The following CDH18 variants were observed in gnomAD, a reference collection of about 807,000 sequenced individuals.
CDH18 encodes the protein cadherin 18.
A neutral mutation model predicts 67.9 loss-of-function variants in CDH18; 31 were observed. The ratio of observed to expected loss-of-function variants is 0.46; its 90% CI spans 0.34 to 0.62. The LOEUF (loss-of-function observed/expected upper bound fraction) is 0.62. Among genes scored for constraint, CDH18 ranks in the 20% least tolerant of loss-of-function variants. The probability of loss-of-function intolerance (pLI) is 0.01; values close to 1 mark genes in which losing one functional copy is unlikely to be tolerated. For synonymous variants in CDH18, 362 were observed against 347.2 expected, an observed-to-expected ratio of 1.04 and a Z score of -0.48; for missense variants, 890 against 975.5, an observed-to-expected ratio of 0.91 and a Z score of 1.17.
chr5:19,770,768 T>C (rs80166713), intron 3 of CDH18, among the ~76,000 whole-genome samples: 136 of 152,352 alleles, frequency 8.9e-4, no homozygotes, highest in East Asian at 2.7e-3. Context: ...ATGTACTCTT[T>C]TGTGTCTGCC....
At chr5:20,206,679 T>C (rs909468444) in intron 2 of CDH18, among the ~76,000 whole-genome samples, 2 of 151,882 alleles carry the variant, frequency 1.3e-5, no homozygotes, top group Admixed American at 6.6e-5. Context: ...CATCCCACTG[T>C]GCAAGAATGA....
Position 19,953,909 on chromosome 5 carries a change from A to G in CDH18, c.-257+27151T>C, listed in dbSNP as rs372150924. ...AAAAGATTTAATTAAGCTAGTTACT[A>G]GAGTTATAATTTTTCCTTGAAAAAG... On this transcript the variant is annotated intron_variant, in intron 2 of 12. Coordinates refer to ENST00000382275, the MANE Select transcript of CDH18 (RefSeq NM_004934.5). Among the ~76,000 whole-genome samples the G allele has an allele frequency of 6.0e-4, 91 of 152,200 alleles. No homozygotes were observed. The South Asian group carries it at 0.016, about 27-fold the overall frequency.
At chr5:19,943,474 T>C (rs2150238680) in intron 2 of CDH18, among the ~76,000 whole-genome samples, 1 of 152,238 alleles carries the variant, frequency 6.6e-6, no homozygotes, top group East Asian at 1.9e-4. Flanking sequence ...TGTCAAGATA[T>C]GAAAGCCATT....
chr5:19,704,368 A>C (rs1287219655), intron 5 of CDH18, among the ~76,000 whole-genome samples: 2 of 152,154 alleles, frequency 1.3e-5, no homozygotes, highest in Admixed American at 1.3e-4. Flanking sequence ...CTGATGGACA[A>C]CCTGGGACTA....
chr5:19,520,673 T>G lies in CDH18; in HGVS notation c.1496A>C (p.Asn499Thr), dbSNP rs1478430198. The change falls in exon 10 of 13, where the codon AAT (asparagine) becomes ACT (threonine). Residue 499 changes from asparagine to threonine, a missense_variant. This residue lies in a region of CDH18 where 656 missense variants were observed against 668.1 expected (regional missense o/e 0.98). Coordinates refer to ENST00000382275, the MANE Select transcript of CDH18 (RefSeq NM_004934.5). ...TTAACTTACCTGGCCAGGCTTAGAATTTTCACATACAATAATATCATATTC... is the reference window on the plus strand; with the variant it reads ...TTAACTTACCTGGCCAGGCTTAGAAGTTTCACATACAATAATATCATATTC... ...AREYDIIVCE[N>T]SKPGQVIHTI... is the part of the protein sequence containing the mutation. 6.2e-7 allele frequency: 1 copy of G among 1,611,918 alleles called. No homozygotes were observed. The highest frequency in any genetic ancestry group is 8.5e-7 in the Non-Finnish European group (1 of 1,179,152).
chr5:20,194,437 A>T (rs1738798232), intron 2 of CDH18, among the ~76,000 whole-genome samples: 1 of 152,074 alleles, frequency 6.6e-6, no homozygotes, highest in African/African-American at 2.4e-5. Flanking sequence ...TAAATCTACA[A>T]AAAAGACCTC....
intron 1 of CDH18, among the ~76,000 whole-genome samples, chr5:20,516,368 C>T (rs531445236): frequency 6.6e-6 from 1 of 151,676 alleles, no homozygotes; most frequent in African/African-American, 2.4e-5. Context: ...TTACAAAAAA[C>T]AAATAAAATT....
chr5:19,977,695 T>C (rs1050512611), intron 2 of CDH18, among the ~76,000 whole-genome samples: 3 of 139,586 alleles, frequency 2.1e-5, no homozygotes, highest in African/African-American at 4.9e-5. Context: ...TCCATTCTTT[T>C]ATTTTTTTAT....
At chr5:20,433,055 C>T (rs1160543798) in intron 1 of CDH18, among the ~76,000 whole-genome samples, 5 of 149,106 alleles carry the variant, frequency 3.4e-5, no homozygotes, top group Non-Finnish European at 7.4e-5. Flanking sequence ...TTGTATAATG[C>T]CTAAAACACT....
At chr5:19,683,964 G>A (rs1292466479) in intron 5 of CDH18, among the ~76,000 whole-genome samples, 1 of 152,084 alleles carries the variant, frequency 6.6e-6, no homozygotes, top group Non-Finnish European at 1.5e-5. Context: ...ACTAGGAACT[G>A]GCACATAATG....
chr5:20,470,071 C>A (rs1751940454), intron 1 of CDH18, among the ~76,000 whole-genome samples: 1 of 152,146 alleles, frequency 6.6e-6, no homozygotes, highest in Non-Finnish European at 1.5e-5. Flanking sequence ...AACTTCCTGA[C>A]TTCTTGCTTG....
At chr5:19,983,460 C>T (rs1026706266) in intron 1 of CDH18, among the ~76,000 whole-genome samples, 1 of 152,112 alleles carries the variant, frequency 6.6e-6, no homozygotes, top group Non-Finnish European at 1.5e-5. Flanking sequence ...TATCATATTC[C>T]ATGTGTTTTG....
chr5:19,502,888 T>C (rs1226376792), intron 11 of CDH18, 104 bp downstream of exon 11: 3 of 780,376 alleles, frequency 3.8e-6, no homozygotes, highest in Admixed American at 3.5e-5. Context: ...TGACTTTGAA[T>C]GCTGATTTGC....
chr5:20,100,304 CCT>C (rs761717546), intron 2 of CDH18, among the ~76,000 whole-genome samples: 2 of 152,114 alleles, frequency 1.3e-5, no homozygotes, highest in Non-Finnish European at 2.9e-5. Flanking sequence ...TTTCAGAATT[CCT>C]CTTTTTCCTG....
intron 2 of CDH18, among the ~76,000 whole-genome samples, chr5:20,086,291 T>A (rs529975250): frequency 2.5e-4 from 38 of 152,298 alleles, no homozygotes; most frequent in Middle Eastern, 3.4e-3. Flanking sequence ...TTAGAAATCA[T>A]TGGTTCATGA....
At chr5:20,307,489 CAA>C (rs990865498) in intron 1 of CDH18, among the ~76,000 whole-genome samples, 11 of 152,162 alleles carry the variant, frequency 7.2e-5, no homozygotes, top group Non-Finnish European at 1.6e-4. Flanking sequence ...AAACTCTAAA[CAA>C]TATGAATTAA....
chr5:19,735,968 G>A (rs762320743), intron 4 of CDH18, among the ~76,000 whole-genome samples: 2 of 152,070 alleles, frequency 1.3e-5, no homozygotes, highest in Non-Finnish European at 2.9e-5. Context: ...GAAAATTCAG[G>A]TAATTTAATT....
chr5:19,702,422 T>G (rs1035020854), intron 5 of CDH18, among the ~76,000 whole-genome samples: 1 of 151,630 alleles, frequency 6.6e-6, no homozygotes, highest in Non-Finnish European at 1.5e-5. Flanking sequence ...GTGCTAGGAT[T>G]ACAGGTATGA....
At chr5:19,845,471 G>A (rs1684297706) in intron 2 of CDH18, among the ~76,000 whole-genome samples, 2 of 152,216 alleles carry the variant, frequency 1.3e-5, no homozygotes, top group Admixed American at 6.5e-5. Context: ...TACTAGAGAA[G>A]AATGTGTGTT....
Sources: allele counts gnomAD v4.1 joint callset (sites outside exome capture counted in the v4.1 genomes callset), GRCh38; gene constraint gnomAD v4.1.1; regional missense constraint gnomAD v4.1.1; transcripts MANE v1.5; gene names NCBI Gene and HGNC (gene_info 2026-07-23, HGNC 2026-07-21).